Variants in LMNB1 observed in about 807,000 individuals in gnomAD.
The protein encoded by LMNB1 is lamin B1.
In LMNB1, 23 loss-of-function variants were observed where a neutral mutation model predicts 67.1. The observed-to-expected ratio is 0.34, with a 90% confidence interval of 0.25 to 0.49. The LOEUF (loss-of-function observed/expected upper bound fraction) is 0.49, where lower values mean the gene tolerates loss of function less well. LMNB1 is among the 20% of genes least tolerant of loss of function. The pLI, the probability that LMNB1 is intolerant of heterozygous loss-of-function variation, is 0.99. For missense variants in LMNB1, 634 were observed against 746.5 expected (o/e 0.85, Z 1.76); for synonymous variants, 281 against 282.9 (o/e 0.99, Z 0.07).
At position 126,819,119 on chromosome 5, in the gene LMNB1, A is replaced by T; in HGVS notation, c.1137A>T (p.Lys379Asn). ...ACATGGAAATCAGTGCTTACAGGAA[A>T]CTCTTAGAAGGCGAAGAAGAGAGGT... is the stretch of plus-strand genomic sequence containing the variant. ...ALDMEISAYR[K>N]LLEGEEERLK... The change falls in exon 6 of 11, where the codon AAA becomes AAT. Residue 379 changes from lysine (K) to asparagine (N), a missense_variant. Physicochemically the swap from Lys to Asn is moderately conservative, Grantham distance 94. Coordinates refer to ENST00000261366, the MANE Select transcript of LMNB1 (RefSeq NM_005573.4). 1 of 1,613,980 alleles carries T rather than the reference A, an allele frequency of 6.2e-7. No homozygotes were observed. Among genetic ancestry groups the T allele is most frequent in the South Asian group, 1.1e-5 (1 of 91,068 alleles).
intron 1 of LMNB1, among the ~76,000 whole-genome samples, chr5:126,783,915 C>T (rs1476467805): frequency 1.3e-5 from 2 of 151,026 alleles, no homozygotes; most frequent in African/African-American, 4.9e-5. Context: ...CTGTATAGGT[C>T]CCATTATTTT....
At chr5:126,787,546 A>ATATTTTTTTTTTTTTTTTTTTTT in intron 1 of LMNB1, among the ~76,000 whole-genome samples, 3 of 65,584 alleles carry the variant, frequency 4.6e-5, no homozygotes, top group Non-Finnish European at 8.2e-5. Context: ...ATATATATAT[A>ATATTTTTTTTTTTTTTTTTTTTT]TTTTTTTTTT....
chr5:126,787,474 AT>A (rs1750822408), intron 1 of LMNB1, among the ~76,000 whole-genome samples: 1 of 143,848 alleles, frequency 7.0e-6, no homozygotes, highest in East Asian at 2.0e-4. Flanking sequence ...CTTTATGTAT[AT>A]GTTACTTATA....
intron 1 of LMNB1, among the ~76,000 whole-genome samples, chr5:126,792,416 C>G (rs995616822): frequency 2.6e-5 from 4 of 151,802 alleles, no homozygotes; most frequent in African/African-American, 7.3e-5. Flanking sequence ...GGATTATAGG[C>G]GTGAGCCACT....
chr5:126,819,292 A>G (rs1337992970), intron 6 of LMNB1, 150 bp downstream of exon 6: 1 of 566,108 alleles, frequency 1.8e-6, no homozygotes, highest in Non-Finnish European at 3.1e-6. Context: ...AATAGATCAT[A>G]TTTCTACCTC....
At chr5:126,835,122 A>G in intron 10 of LMNB1, among the ~76,000 whole-genome samples, 1 of 152,166 alleles carries the variant, frequency 6.6e-6, no homozygotes, top group Non-Finnish European at 1.5e-5. Context: ...GGGAATATAT[A>G]ATGGAAATTT....
intron 1 of LMNB1, among the ~76,000 whole-genome samples, chr5:126,797,709 C>A (rs1312184528): frequency 1.3e-5 from 2 of 152,142 alleles, no homozygotes; most frequent in Admixed American, 6.5e-5. Context: ...AAAATTATGA[C>A]AAGAATATGT....
chr5:126,796,096 C>T (rs1020430377), intron 1 of LMNB1, among the ~76,000 whole-genome samples: 1 of 151,516 alleles, frequency 6.6e-6, no homozygotes, highest in Non-Finnish European at 1.5e-5. Flanking sequence ...CTACGCCCGG[C>T]CAATTTTGTA....
chr5:126,813,235 G>A (rs1244114290), intron 5 of LMNB1, among the ~76,000 whole-genome samples: 1 of 152,132 alleles, frequency 6.6e-6, no homozygotes, highest in East Asian at 1.9e-4. Flanking sequence ...GTTACTTACG[G>A]CACAAATTTT....
intron 1 of LMNB1, among the ~76,000 whole-genome samples, chr5:126,796,419 T>C (rs116472693): frequency 6.6e-6 from 1 of 152,170 alleles, no homozygotes; most frequent in African/African-American, 2.4e-5. Context: ...GTTCAGACAC[T>C]AAGTTCCAGA....
In LMNB1 at chr5:126,828,709, C is replaced by T. The variant is rs112276493; in HGVS notation, c.1611+2602C>T. 2.6e-3 allele frequency among the ~76,000 whole-genome samples: 394 copies of T among 151,918 alleles called. 3 individuals are homozygous for T. Among genetic ancestry groups the T allele is most frequent in the African/African-American group, 8.4e-3 (350 of 41,430 alleles). ...TCCTGAGTAGCTGGAACTACAGGTG[C>T]GTGCCAACACACCTGGCTAATTTTT... is the stretch of plus-strand genomic sequence containing the variant. On this transcript the variant is annotated intron_variant, in intron 9 of 10. Transcript: ENST00000261366.
intron 8 of LMNB1, 48 bp from the exon 9 acceptor site, chr5:126,825,940 T>C (rs1221933766): frequency 7.4e-6 from 12 of 1,611,788 alleles, no homozygotes; most frequent in Non-Finnish European, 9.3e-6. Context: ...CGTTGGCGTG[T>C]GGGAGAACTG....
At chr5:126,824,844 AC>A (rs1305185498) in intron 8 of LMNB1, among the ~76,000 whole-genome samples, 7 of 68,118 alleles carry the variant, frequency 1.0e-4, no homozygotes, top group African/African-American at 3.4e-4. Flanking sequence ...TTTCCACCCC[AC>A]CCCCCCACCC....
At chr5:126,808,772 G>A (rs890487393) in intron 3 of LMNB1, among the ~76,000 whole-genome samples, 17 of 152,136 alleles carry the variant, frequency 1.1e-4, no homozygotes, top group African/African-American at 4.1e-4. Context: ...TTAAGAGAAA[G>A]ATGAAGAAAT....
intron 1 of LMNB1, among the ~76,000 whole-genome samples, chr5:126,797,632 A>T (rs1751135990): frequency 6.6e-6 from 1 of 152,230 alleles, no homozygotes; most frequent in Non-Finnish European, 1.5e-5. Context: ...CTGCACTTTG[A>T]CTATGTGCTG....
At chr5:126,800,441 G>T (rs1267454954) in intron 1 of LMNB1, among the ~76,000 whole-genome samples, 2 of 151,894 alleles carry the variant, frequency 1.3e-5, no homozygotes, top group Non-Finnish European at 2.9e-5. Flanking sequence ...TTAGGAATGG[G>T]AATAGATGGC....
intron 1 of LMNB1, among the ~76,000 whole-genome samples, chr5:126,783,367 T>TTA: frequency 8.1e-6 from 1 of 123,240 alleles, no homozygotes; most frequent in Admixed American, 8.2e-5. Context: ...TTTTATAACT[T>TTA]AAAATATAAG....
Position 126,822,823 on chromosome 5 carries a change from G to C in LMNB1, c.1429G>C (p.Asp477His). Residue 477 changes from aspartate to histidine, a missense_variant, in exon 8 of 11, where the codon GAC becomes CAC. Asp to His is a moderately conservative substitution (Grantham distance 81). Transcript: ENST00000261366. ...CTGGGAGATGATCAGAAAAATTGGA[G>C]ACACATCAGTCAGTTATAAATATAC... ...GGWEMIRKIG[D>H]TSVSYKYTSR... 1 of 1,613,326 alleles carries C rather than the reference G, an allele frequency of 6.2e-7. No homozygotes were observed. The highest frequency in any genetic ancestry group is 2.2e-5 in the East Asian group (1 of 44,860).
intron 5 of LMNB1, among the ~76,000 whole-genome samples, chr5:126,813,172 T>C (rs1340612134): frequency 6.6e-6 from 1 of 152,264 alleles, no homozygotes; most frequent in African/African-American, 2.4e-5. Context: ...AATGGGGTGA[T>C]ATAAAATAAT....
Sources: gnomAD v4.1 joint callset for allele counts (sites outside exome capture counted in the v4.1 genomes callset) on GRCh38, gnomAD v4.1.1 for gene constraint, MANE v1.5 for transcripts, NCBI Gene and HGNC (gene_info 2026-07-23, HGNC 2026-07-21) for gene names.